Variants in SAP130 observed in about 807,000 individuals in gnomAD.
SAP130 encodes histone deacetylase complex subunit SAP130.
In SAP130, 16 loss-of-function variants were observed where a neutral mutation model predicts 103.2. The observed-to-expected ratio is 0.16, with a 90% confidence interval of 0.10 to 0.24. The LOEUF (loss-of-function observed/expected upper bound fraction) is 0.24, where lower values mean the gene tolerates loss of function less well. Among genes scored for constraint, SAP130 ranks in the 10% least tolerant of loss-of-function variants. The pLI is 1.00. For synonymous variants in SAP130, 477 were observed against 497.0 expected, an observed-to-expected ratio of 0.96 and a Z score of 0.53; for missense variants, 990 against 1,359.7, an observed-to-expected ratio of 0.73 and a Z score of 4.28.
At chr2:128,022,732 T>G (rs187537781) in intron 2 of SAP130, among the ~76,000 whole-genome samples, 3 of 152,240 alleles carry the variant, frequency 2.0e-5, no homozygotes, top group Admixed American at 6.5e-5. Context: ...TCTTCTCATG[T>G]GCTTCTTTGG....
At position 128,018,544 on chromosome 2, in the gene SAP130, C is replaced by T. The variant is rs146461382; in HGVS notation, c.113-629G>A. 9.1e-3 allele frequency among the ~76,000 whole-genome samples: 1,344 copies of T among 148,416 alleles called. 21 individuals are homozygous for T. The highest frequency in any genetic ancestry group is 0.032 in the African/African-American group (1,288 of 39,914). On this transcript the variant is annotated intron_variant, in intron 2 of 20. Transcript: ENST00000643581. Reference sequence around the variant, plus strand: ...CAGTGGCTTGCACCTGCAATCCTAGCATTTTGAGAGGCCAAGGCAAACAGA... The same window carrying T: ...CAGTGGCTTGCACCTGCAATCCTAGTATTTTGAGAGGCCAAGGCAAACAGA...
Position 128,013,117 on chromosome 2 carries a change from T to C in SAP130, c.657A>G (p.Val219=), listed in dbSNP as rs779752129. 2 of 1,613,202 alleles carry C rather than the reference T, an allele frequency of 1.2e-6. No individual in the cohort carries two copies. The highest frequency in any genetic ancestry group is 2.2e-5 in the East Asian group (1 of 44,842). ...AAAAVMSSSK[V]TTVLRPTSQL... ...GTGAGGTCGGCCTCAGGACTGTGGT[T>C]ACTTTAGAACTGGACATCACAGCAG... The change falls in exon 6 of 21, where the codon GTA becomes GTG. Residue 219 remains valine (V), a synonymous_variant. Transcript: ENST00000643581.
chr2:127,969,996 G>A (rs540889215), intron 15 of SAP130, among the ~76,000 whole-genome samples: 7 of 152,214 alleles, frequency 4.6e-5, no homozygotes, highest in Admixed American at 3.3e-4. Context: ...CTGGGAGGCC[G>A]AGGTGGGCGG....
intron 5 of SAP130, among the ~76,000 whole-genome samples, chr2:128,013,653 G>A (rs760965287): frequency 5.9e-5 from 9 of 152,282 alleles, no homozygotes; most frequent in Admixed American, 1.3e-4. Context: ...CTGGTCTTGC[G>A]TTTGCTAACT....
intron 14 of SAP130, among the ~76,000 whole-genome samples, chr2:127,983,689 T>C (rs1682129413): frequency 6.6e-6 from 1 of 152,074 alleles, no homozygotes; most frequent in South Asian, 2.1e-4. Flanking sequence ...AGCAGGCACA[T>C]CTCTTTGTCT....
intron 13 of SAP130, among the ~76,000 whole-genome samples, chr2:127,988,946 A>C (rs1682589366): frequency 6.6e-6 from 1 of 152,224 alleles, no homozygotes; most frequent in African/African-American, 2.4e-5. Flanking sequence ...TAACATCAGC[A>C]TAAGGTTTTA....
rs147111626 is a variant in SAP130, at chr2:128,023,847, T to C, written c.112+2334A>G. ...TTTTATCAAAAATCAATTGGCTATA[T>C]ATATCTGGTTCTATTTCTAGATTCT... On this transcript the variant is annotated intron_variant, in intron 2 of 20. Coordinates refer to ENST00000643581, the MANE Select transcript of SAP130 (RefSeq NM_001330301.2). Among the ~76,000 whole-genome samples the C allele has an allele frequency of 3.5e-4, 54 of 152,158 alleles. No individual in the cohort carries two copies. The East Asian group carries it at 0.01, about 29-fold the overall frequency.
rs1012482942 is a variant in SAP130 at position 127,942,718 on chromosome 2, G to A, written c.2902-181C>T. ...AAAAACAGTAAAGGGGCTGGGCGCG[G>A]TGGCTCACGCCTATAATCCCAGCAC... On this transcript the variant is annotated intron_variant, in intron 19 of 20. Coordinates refer to ENST00000643581, the MANE Select transcript of SAP130 (RefSeq NM_001330301.2). The surrounding 1 kb of genome is among the most constrained non-coding windows in gnomAD (Gnocchi z 4.8). Among the ~76,000 whole-genome samples the A allele has an allele frequency of 2.6e-5, 4 of 152,252 alleles. No individual in the cohort carries two copies. The highest frequency in any genetic ancestry group is 9.6e-5 in the African/African-American group (4 of 41,460).
chr2:127,996,393 C>G lies in SAP130; in HGVS notation c.1312G>C (p.Ala438Pro). Residue 438 changes from alanine to proline, a missense_variant, in exon 11 of 21, where the codon GCC becomes CCC. Coordinates refer to ENST00000643581, the MANE Select transcript of SAP130 (RefSeq NM_001330301.2). The surrounding 1 kb of genome is among the most constrained non-coding windows in gnomAD (Gnocchi z 4.3). Reference sequence around the variant, plus strand: ...TCCATGGCCACAGGATTGGGAGAGGCCCGATGTCCGGAGATGGGAATCAGG... The same window carrying G: ...TCCATGGCCACAGGATTGGGAGAGGGCCGATGTCCGGAGATGGGAATCAGG... ...SSLIPISGHR[A>P]SPNPVAMETR... The G allele has an allele frequency of 6.2e-7, 1 of 1,611,544 alleles. No individual in the cohort carries two copies.
intron 15 of SAP130, among the ~76,000 whole-genome samples, chr2:127,956,825 T>C (rs1290792315): frequency 6.6e-6 from 1 of 152,132 alleles, no homozygotes; most frequent in Non-Finnish European, 1.5e-5. Flanking sequence ...CCTGGTGTCT[T>C]CTGCAAAACT....
At chr2:128,017,965 A>C in intron 2 of SAP130, 50 bp from the exon 3 acceptor site, 1 of 1,452,062 alleles carries the variant, frequency 6.9e-7, no homozygotes, top group East Asian at 2.3e-5. Flanking sequence ...TCCCAGTGTA[A>C]GATAGCAGCA....
At chr2:127,981,198 C>T (rs909287262) in intron 14 of SAP130, among the ~76,000 whole-genome samples, 4 of 151,794 alleles carry the variant, frequency 2.6e-5, no homozygotes, top group Admixed American at 6.6e-5. Flanking sequence ...TTACAGGATG[C>T]GGTTAACATG....
chr2:127,997,610 TAGG>T (rs1683260404), intron 10 of SAP130, among the ~76,000 whole-genome samples: 1 of 152,142 alleles, frequency 6.6e-6, no homozygotes, highest in Admixed American at 6.5e-5. Flanking sequence ...GTTGGCATGA[TAGG>T]GTTTTCCATC....
intron 1 of SAP130, chr2:128,027,099 CG>C (rs1315200008): frequency 7.1e-7 from 1 of 1,415,108 alleles, no homozygotes; most frequent in African/African-American, 1.5e-5. Flanking sequence ...TACCTGTAGC[CG>C]CCGCCCGCCG....
chr2:128,011,009 T>C (rs1007569173), intron 6 of SAP130, among the ~76,000 whole-genome samples: 3 of 150,060 alleles, frequency 2.0e-5, no homozygotes, highest in African/African-American at 5.0e-5. Flanking sequence ...CCTGTACAAA[T>C]GTGATTGGAG....
intron 2 of SAP130, among the ~76,000 whole-genome samples, chr2:128,024,299 C>A (rs1238509458): frequency 6.6e-6 from 1 of 150,672 alleles, no homozygotes; most frequent in Non-Finnish European, 1.5e-5. Flanking sequence ...GTCAACATAG[C>A]AAGACTCCAT....
Position 128,013,014 on chromosome 2 carries a change from C to A in SAP130, c.744+16G>T. 6.3e-7 allele frequency: 1 copy of A among 1,599,384 alleles called. No individual in the cohort carries two copies. Among genetic ancestry groups the A allele is most frequent in the Non-Finnish European group, 8.5e-7 (1 of 1,172,612 alleles). On this transcript the variant is annotated intron_variant, in intron 6 of 20. Transcript: ENST00000643581. Reference sequence around the variant, plus strand: ...ACTCCAATGAGGCCCTTAATGCACCCCAGGCTCCGACGTGCCTGGATTGGT... The same window carrying A: ...ACTCCAATGAGGCCCTTAATGCACCACAGGCTCCGACGTGCCTGGATTGGT...
At chr2:128,009,979 C>G (rs906387756) in intron 7 of SAP130, among the ~76,000 whole-genome samples, 1 of 152,076 alleles carries the variant, frequency 6.6e-6, no homozygotes, top group African/African-American at 2.4e-5. Flanking sequence ...TCCCCTGCAC[C>G]ACCCACCCTG....
chr2:127,949,304 G>A (rs1414071866), intron 18 of SAP130, among the ~76,000 whole-genome samples: 1 of 152,080 alleles, frequency 6.6e-6, no homozygotes, highest in Admixed American at 6.6e-5. Context: ...AATATTTGCA[G>A]GTATTTGCAA....
Sources: gnomAD v4.1 joint callset for allele counts (sites outside exome capture counted in the v4.1 genomes callset) on GRCh38, gnomAD v4.1.1 for gene constraint, Gnocchi (gnomAD v3.1) non-coding constraint, MANE v1.5 for transcripts, NCBI Gene and HGNC (gene_info 2026-07-23, HGNC 2026-07-21) for gene names.